The following CTNNA3 variants were observed in gnomAD, a reference collection of about 807,000 sequenced individuals.
The protein encoded by CTNNA3 is catenin alpha-3.
Under a neutral mutation model 95.7 loss-of-function variants are expected in CTNNA3, and 76 were observed. The observed-to-expected ratio is 0.79, with a 90% confidence interval of 0.66 to 0.96. The LOEUF is 0.96. Ranked by LOEUF, CTNNA3 falls within the 40% of genes least tolerant of loss-of-function variation. The pLI, the probability that CTNNA3 is intolerant of heterozygous loss-of-function variation, is 0.00. For missense variants in CTNNA3, 1,191 were observed against 1,089.8 expected (o/e 1.09, Z -1.31); for synonymous variants, 431 against 374.4 (o/e 1.15, Z -1.74).
At chr10:66,800,133 A>G (rs1841374743) in intron 7 of CTNNA3, among the ~76,000 whole-genome samples, 1 of 151,438 alleles carries the variant, frequency 6.6e-6, no homozygotes, top group African/African-American at 2.4e-5. Context: ...GGATACAAAA[A>G]CACATGTACA....
chr10:66,229,203 C>T (rs1014356796), intron 13 of CTNNA3, among the ~76,000 whole-genome samples: 25 of 152,002 alleles, frequency 1.6e-4, no homozygotes, highest in African/African-American at 5.8e-4. Flanking sequence ...TGTTGTAAAC[C>T]CTTTGTTTTC....
At chr10:66,355,057 G>T (rs1432555137) in intron 12 of CTNNA3, among the ~76,000 whole-genome samples, 3 of 152,016 alleles carry the variant, frequency 2.0e-5, no homozygotes, top group Non-Finnish European at 2.9e-5. Context: ...GAATACACAC[G>T]CTAGACAGGC....
chr10:66,501,251 T>C (rs1305057359), intron 11 of CTNNA3, among the ~76,000 whole-genome samples: 3 of 152,168 alleles, frequency 2.0e-5, no homozygotes, highest in Admixed American at 6.5e-5. Context: ...TGGATTGTCA[T>C]GTAAGTCTTT....
chr10:66,860,852 A>T (rs1195979574), intron 7 of CTNNA3, among the ~76,000 whole-genome samples: 1 of 152,152 alleles, frequency 6.6e-6, no homozygotes, highest in East Asian at 1.9e-4. Context: ...CAATGTAACC[A>T]CATTGTAAAC....
chr10:66,474,474 A>T (rs757959836), intron 11 of CTNNA3, among the ~76,000 whole-genome samples: 18 of 152,076 alleles, frequency 1.2e-4, no homozygotes, highest in African/African-American at 2.4e-5. Context: ...GGTTGATTCT[A>T]AATCTTGGCT....
intron 11 of CTNNA3, among the ~76,000 whole-genome samples, chr10:66,449,153 G>C (rs2093445222): frequency 6.6e-6 from 1 of 151,960 alleles, no homozygotes; most frequent in African/African-American, 2.4e-5. Flanking sequence ...AAAAAAATGA[G>C]GAAAAAATGC....
chr10:66,476,504 T>G (rs998989491), intron 11 of CTNNA3, among the ~76,000 whole-genome samples: 8 of 152,274 alleles, frequency 5.3e-5, no homozygotes, highest in Non-Finnish European at 1.0e-4. Flanking sequence ...ACTGAGATAA[T>G]TAAAAGGCAA....
chr10:67,508,834 C>T (rs988988162), intron 5 of CTNNA3, among the ~76,000 whole-genome samples: 2 of 151,844 alleles, frequency 1.3e-5, no homozygotes, highest in African/African-American at 4.8e-5. Context: ...AAAGAAATGA[C>T]CCACAAATAA....
chr10:66,175,525 G>A lies in CTNNA3; in HGVS notation c.1885-72276C>T, dbSNP rs12775351. 5.3e-3 allele frequency among the ~76,000 whole-genome samples: 811 copies of A among 152,278 alleles called. 5 individuals carry two copies. The highest frequency in any genetic ancestry group is 9.1e-3 in the Non-Finnish European group (622 of 68,022). ...ACAGTGGTGTGGGTACCTCCAAAAA[G>A]TCAGGGTGAAGGACTGCTTTTGAGG... On this transcript the variant is annotated intron_variant, in intron 13 of 17. Coordinates refer to ENST00000433211, the MANE Select transcript of CTNNA3 (RefSeq NM_013266.4).
chr10:65,942,744 C>T (rs933421033), intron 17 of CTNNA3, among the ~76,000 whole-genome samples: 5 of 152,108 alleles, frequency 3.3e-5, no homozygotes, highest in East Asian at 1.9e-4. Flanking sequence ...TTTATTTATA[C>T]TTAAAGAATC....
At chr10:66,015,467 C>T (rs1244954989) in intron 15 of CTNNA3, among the ~76,000 whole-genome samples, 2 of 152,210 alleles carry the variant, frequency 1.3e-5, no homozygotes, top group African/African-American at 2.4e-5. Flanking sequence ...TCCCCACACT[C>T]CTTCATTTAT....
chr10:66,287,113 C>T (rs1030556264), intron 12 of CTNNA3, among the ~76,000 whole-genome samples: 6 of 151,946 alleles, frequency 3.9e-5, no homozygotes, highest in African/African-American at 1.5e-4. Context: ...CACGCTAATG[C>T]CTGAAATATA....
intron 1 of CTNNA3, among the ~76,000 whole-genome samples, chr10:67,704,341 A>G (rs1234576288): frequency 6.6e-6 from 1 of 152,226 alleles, no homozygotes. Context: ...CCAAAGGAAC[A>G]AAGCTGGAGG....
intron 7 of CTNNA3, among the ~76,000 whole-genome samples, chr10:67,073,079 C>T (rs777922801): frequency 1.3e-5 from 2 of 152,160 alleles, no homozygotes; most frequent in African/African-American, 4.8e-5. Flanking sequence ...TCAGAATAAG[C>T]AAATGCCCTC....
chr10:65,970,991 T>C (rs997187152), intron 16 of CTNNA3, among the ~76,000 whole-genome samples: 2 of 150,784 alleles, frequency 1.3e-5, no homozygotes, highest in African/African-American at 4.8e-5. Flanking sequence ...AACCTCTCTT[T>C]TTTTTTTTTT....
At chr10:66,863,760 G>A (rs1844050243) in intron 7 of CTNNA3, among the ~76,000 whole-genome samples, 1 of 152,090 alleles carries the variant, frequency 6.6e-6, no homozygotes, top group Non-Finnish European at 1.5e-5. Context: ...GAAGTTGAGA[G>A]TGAAATTTAG....
chr10:67,617,681 T>C (rs1307994012), intron 2 of CTNNA3, among the ~76,000 whole-genome samples: 1 of 152,188 alleles, frequency 6.6e-6, no homozygotes, highest in East Asian at 1.9e-4. Flanking sequence ...ACTGCCGCAC[T>C]GTTTTCCACA....
At chr10:66,328,933 T>TATATAC (rs59003281) in intron 12 of CTNNA3, among the ~76,000 whole-genome samples, 12 of 115,390 alleles carry the variant, frequency 1.0e-4, no homozygotes, top group East Asian at 2.9e-4. Context: ...TATATATATA[T>TATATAC]ACACACACAC....
At chr10:67,129,896 T>C (rs1368035313) in intron 7 of CTNNA3, among the ~76,000 whole-genome samples, 2 of 152,134 alleles carry the variant, frequency 1.3e-5, no homozygotes. Context: ...TAAAGAATGA[T>C]TCTTGCCTGG....
Sources: gnomAD v4.1 joint callset for allele counts (sites outside exome capture counted in the v4.1 genomes callset) on GRCh38, gnomAD v4.1.1 for gene constraint, MANE v1.5 for transcripts, NCBI Gene and HGNC (gene_info 2026-07-23, HGNC 2026-07-21) for gene names.